Variants in NAALADL2 observed in about 807,000 individuals in gnomAD.
NAALADL2 encodes inactive N-acetylated-alpha-linked acidic dipeptidase-like protein 2.
Under a neutral mutation model 87.2 loss-of-function variants are expected in NAALADL2, and 76 were observed. The observed-to-expected ratio is 0.87, with a 90% CI of 0.72 to 1.05. NAALADL2 has a LOEUF of 1.05. Ranked by LOEUF, NAALADL2 falls within the 50% of genes least tolerant of loss-of-function variation. The pLI, the probability that NAALADL2 is intolerant of heterozygous loss-of-function variation, is 0.00. For missense variants in NAALADL2, 1,089 were observed against 945.8 expected, an observed-to-expected ratio of 1.15 and a Z score of -1.99; for synonymous variants, 354 against 331.0, an observed-to-expected ratio of 1.07 and a Z score of -0.75.
At chr3:175,067,570 A>G (rs1457743053) in intron 1 of NAALADL2, among the ~76,000 whole-genome samples, 1 of 152,158 alleles carries the variant, frequency 6.6e-6, no homozygotes, top group Non-Finnish European at 1.5e-5. Context: ...CAGAATGGTT[A>G]TTGTTAAAAA....
At chr3:175,388,993 A>G (rs1768757762) in intron 5 of NAALADL2, among the ~76,000 whole-genome samples, 1 of 152,098 alleles carries the variant, frequency 6.6e-6, no homozygotes, top group African/African-American at 2.4e-5. Context: ...GTTTCTGTTT[A>G]ATGGTACTTT....
chr3:174,987,532 G>GCACTC, intron 1 of NAALADL2, among the ~76,000 whole-genome samples: 1 of 105,520 alleles, frequency 9.5e-6, no homozygotes, highest in South Asian at 3.5e-4. Context: ...TTGCGCCACT[G>GCACTC]CACTCCAGCC....
intron 9 of NAALADL2, among the ~76,000 whole-genome samples, chr3:175,548,864 T>C (rs1455986443): frequency 2.6e-5 from 4 of 152,018 alleles, no homozygotes; most frequent in Non-Finnish European, 5.9e-5. Flanking sequence ...ACCTGAGTTT[T>C]AAAGTATTAG....
chr3:174,595,213 A>G (rs1717766379), intron 2 of NAALADL2, among the ~76,000 whole-genome samples: 1 of 152,052 alleles, frequency 6.6e-6, no homozygotes, highest in African/African-American at 2.4e-5. Flanking sequence ...GCCACACCTC[A>G]CATCCATCAG....
intron 1 of NAALADL2, among the ~76,000 whole-genome samples, chr3:174,478,329 T>C (rs951940917): frequency 6.6e-6 from 1 of 152,166 alleles, no homozygotes; most frequent in African/African-American, 2.4e-5. Context: ...TAACAATGTT[T>C]CTGAGAGTTT....
intron 3 of NAALADL2, among the ~76,000 whole-genome samples, chr3:174,840,425 A>T (rs1053880131): frequency 1.3e-5 from 2 of 152,120 alleles, no homozygotes; most frequent in African/African-American, 2.4e-5. Context: ...ATAGTTTTTA[A>T]AATGTTAAGG....
Position 174,843,139 on chromosome 3 carries a change from G to A in NAALADL2, c.-9+105393G>A, listed in dbSNP as rs541088039. On this transcript the variant is annotated intron_variant, in intron 3 of 3. Transcript: ENST00000434257. The stretch of plus-strand genomic sequence containing the variant: ...CAAAAGCCTCTTTTTGATCTATTTT[G>A]TAATACATTATACGATATTGTTAAC... Among the ~76,000 whole-genome samples, 48 of 151,948 alleles carry A rather than the reference G, an allele frequency of 3.2e-4. No homozygotes were observed. The South Asian group carries it at 9.6e-3, about 30-fold the overall frequency.
intron 1 of NAALADL2, among the ~76,000 whole-genome samples, chr3:175,001,477 A>G (rs1748221322): frequency 6.6e-6 from 1 of 152,174 alleles, no homozygotes; most frequent in Non-Finnish European, 1.5e-5. Flanking sequence ...TCATTTGGGC[A>G]TATTTTTCTT....
At chr3:175,055,344 G>A (rs7612477) in intron 1 of NAALADL2, among the ~76,000 whole-genome samples, 40,660 of 152,136 alleles carry the variant, frequency 0.27, 8,298 homozygotes, top group African/African-American at 0.57. Context: ...TGAATCCTGT[G>A]TGTATTTGTA....
chr3:174,719,288 CTT>C (rs1274009977), intron 2 of NAALADL2, among the ~76,000 whole-genome samples: 1 of 152,038 alleles, frequency 6.6e-6, no homozygotes, highest in African/African-American at 2.4e-5. Flanking sequence ...TATCCCATCT[CTT>C]TATACTTTTA....
At chr3:175,262,866 T>A (rs1292413667) in intron 4 of NAALADL2, among the ~76,000 whole-genome samples, 2 of 151,898 alleles carry the variant, frequency 1.3e-5, no homozygotes, top group Non-Finnish European at 2.9e-5. Flanking sequence ...CCTCTTTTTT[T>A]ATTAAGACAA....
chr3:174,828,501 A>G (rs1722252373), intron 3 of NAALADL2, among the ~76,000 whole-genome samples: 1 of 152,226 alleles, frequency 6.6e-6, no homozygotes. Context: ...CTTCAGAACG[A>G]GTGAAACTAA....
intron 11 of NAALADL2, among the ~76,000 whole-genome samples, chr3:175,670,512 A>AATTTATATTAAATGTAAATTTAATAT (rs1560949373): frequency 0.014 from 44 of 3,072 alleles, 18 homozygotes; most frequent in African/African-American, 0.022. Context: ...ATTTATATTA[A>AATTTATATTAAATGTAAATTTAATAT]ATTTATATTA....
intron 9 of NAALADL2, among the ~76,000 whole-genome samples, chr3:175,574,893 A>G (rs1016967642): frequency 2.6e-5 from 4 of 151,976 alleles, no homozygotes; most frequent in African/African-American, 7.3e-5. Context: ...ATGACACTTG[A>G]TGTTCTTATA....
intron 3 of NAALADL2, among the ~76,000 whole-genome samples, chr3:174,752,169 G>C (rs1445308734): frequency 2.6e-5 from 4 of 151,862 alleles, no homozygotes; most frequent in Admixed American, 2.6e-4. Flanking sequence ...TAGAGACAGG[G>C]TTTCACCGTT....
chr3:175,789,885 A>AAAAT (rs1336518025), intron 13 of NAALADL2, among the ~76,000 whole-genome samples: 3 of 152,188 alleles, frequency 2.0e-5, no homozygotes, highest in Non-Finnish European at 4.4e-5. Flanking sequence ...TATTAATAAA[A>AAAAT]AAATACAAAT....
chr3:174,785,864 T>A (rs1716577562), intron 3 of NAALADL2, among the ~76,000 whole-genome samples: 1 of 152,214 alleles, frequency 6.6e-6, no homozygotes, highest in Non-Finnish European at 1.5e-5. Context: ...TCTATTTTCT[T>A]ATTCAAGTTT....
intron 4 of NAALADL2, among the ~76,000 whole-genome samples, chr3:175,315,495 T>C (rs867423440): frequency 3.9e-5 from 6 of 152,164 alleles, no homozygotes; most frequent in African/African-American, 1.4e-4. Flanking sequence ...ATATTTAACT[T>C]CTCTCCTGGG....
chr3:175,057,566 C>T (rs963944882), intron 1 of NAALADL2, among the ~76,000 whole-genome samples: 1 of 152,214 alleles, frequency 6.6e-6, no homozygotes, highest in Non-Finnish European at 1.5e-5. Flanking sequence ...GGGGAACAGA[C>T]TGTTGGCTGC....
Sources: gnomAD v4.1 joint callset for allele counts (sites outside exome capture counted in the v4.1 genomes callset) on GRCh38, gnomAD v4.1.1 for gene constraint, MANE v1.5 for transcripts, NCBI Gene and HGNC (gene_info 2026-07-23, HGNC 2026-07-21) for gene names.